NAA38: variants seen among roughly 807,000 people sequenced by gnomAD.
The protein encoded by NAA38 is N-alpha-acetyltransferase 38, NatC auxiliary subunit, also known as LSM domain containing 1.
A neutral mutation model predicts 12.6 loss-of-function variants in NAA38; 15 were observed. The ratio of observed to expected loss-of-function variants is 1.19; its 90% confidence interval spans 0.79 to 1.83. The LOEUF is 1.83. Ranked by LOEUF, NAA38 falls within the 40% of genes most tolerant of loss-of-function variation. The probability of loss-of-function intolerance (pLI) is 0.00; values close to 1 mark genes in which losing one functional copy is unlikely to be tolerated. For synonymous variants in NAA38, 88 were observed against 69.9 expected, an observed-to-expected ratio of 1.26 and a Z score of -1.29; for missense variants, 183 against 171.7, an observed-to-expected ratio of 1.07 and a Z score of -0.37.
chr17:7,859,013 C>A, upstream of NAA38: 1 of 577,972 alleles, frequency 1.7e-6, no homozygotes, highest in Non-Finnish European at 3.0e-6. Flanking sequence ...GTCTGGGTCA[C>A]AGGGGGACAA....
intron 2 of NAA38, among the ~76,000 whole-genome samples, chr17:7,874,405 T>C (rs974915710): frequency 1.3e-5 from 2 of 152,032 alleles, no homozygotes; most frequent in East Asian, 1.9e-4. Flanking sequence ...TTCATGTGGA[T>C]CCTAAGGTCA....
At chr17:7,877,427 C>A (rs1043417766) in intron 2 of NAA38, among the ~76,000 whole-genome samples, 1 of 149,178 alleles carries the variant, frequency 6.7e-6, no homozygotes, top group Non-Finnish European at 1.5e-5. Context: ...TTAACCATGT[C>A]TCTACATACA....
chr17:7,881,289 GAA>G (rs950908731), intron 2 of NAA38, among the ~76,000 whole-genome samples: 61 of 151,944 alleles, frequency 4.0e-4, no homozygotes, highest in Admixed American at 4.6e-4. Context: ...AGAAACAAAA[GAA>G]GAGAGAAAAG....
intron 2 of NAA38, among the ~76,000 whole-genome samples, chr17:7,881,326 G>A (rs1967268708): frequency 6.6e-6 from 1 of 152,106 alleles, no homozygotes; most frequent in African/African-American, 2.4e-5. Context: ...GACAGCAAGA[G>A]CCTGCCAAGC....
At chr17:7,870,624 G>A (rs1967069089) in intron 2 of NAA38, among the ~76,000 whole-genome samples, 1 of 152,086 alleles carries the variant, frequency 6.6e-6, no homozygotes, top group South Asian at 2.1e-4. Flanking sequence ...GCTCACGCCT[G>A]TAATCCCAGC....
intron 1 of NAA38, chr17:7,884,969 G>T: frequency 7.5e-7 from 1 of 1,324,852 alleles, no homozygotes. Context: ...ACTCGGGCGC[G>T]GGCCGGGCCA....
chr17:7,858,615 C>A, upstream of NAA38: 2 of 1,604,838 alleles, frequency 1.2e-6, no homozygotes, highest in Non-Finnish European at 1.7e-6. Context: ...GATCCGCAAG[C>A]ACATAGATCC....
At position 7,857,173 on chromosome 17, in the gene NAA38, G is replaced by A. The variant is rs775563570; in HGVS notation, c.107C>T (p.Ser36Leu). The A allele has an allele frequency of 2.2e-5, 35 of 1,613,104 alleles. No homozygotes were observed. The highest frequency in any genetic ancestry group is 2.7e-5 in the African/African-American group (2 of 75,048). Residue 36 changes from serine to leucine, a missense_variant, in exon 2 of 3, where the codon TCG (serine) becomes TTG (leucine). Ser to Leu is a moderately radical substitution (Grantham distance 145, BLOSUM62 -2). Coordinates refer to ENST00000575771, the MANE Select transcript of NAA38 (RefSeq NM_001320925.4). ...CTGCTGTCGGGCGCGCTCAGCCGCC[G>A]AGTCCTCGCGCTCTCCGTCCGAATC... ...AGDSDGEREDSAAERARQQLE... is the reference protein window; with the variant it reads ...AGDSDGEREDLAAERARQQLE...
upstream of NAA38, chr17:7,857,617 G>T (rs966884253): frequency 1.5e-5 from 21 of 1,363,692 alleles, no homozygotes; most frequent in East Asian, 8.3e-5. Context: ...GATCTCGCGA[G>T]CTTCTCCTAC....
chr17:7,869,148 ATTACAGCCAGTGCTTTATG>A (rs1206106533), intron 2 of NAA38, among the ~76,000 whole-genome samples: 6 of 152,350 alleles, frequency 3.9e-5, no homozygotes, highest in African/African-American at 1.4e-4. Context: ...CGAGTACCTT[ATTACAGCCAGTGCTTTATG>A]TAAGTTAGCT....
rs780941615 is a variant in NAA38 at position 7,857,157 on chromosome 17, G to C, written c.123C>G (p.Ala41=). 7 of 1,612,980 alleles carry C rather than the reference G, an allele frequency of 4.3e-6. No homozygotes were observed. In the East Asian group the frequency reaches 1.3e-4, roughly 31 times the overall value. Residue 41 remains alanine, a synonymous_variant, in exon 2 of 3, where the codon GCC becomes GCG. Coordinates refer to ENST00000575771, the MANE Select transcript of NAA38 (RefSeq NM_001320925.4). Reference sequence around the variant, plus strand: ...TGAGCAGCGCCTCTAGCTGCTGTCGGGCGCGCTCAGCCGCCGAGTCCTCGC... The same window carrying C: ...TGAGCAGCGCCTCTAGCTGCTGTCGCGCGCGCTCAGCCGCCGAGTCCTCGC... ...GEREDSAAER[A]RQQLEALLNK... is the part of the protein sequence containing the mutation.
exon 1 of NAA38, chr17:7,885,205 G>A (rs1475748213): frequency 3.2e-6 from 3 of 926,842 alleles, no homozygotes; most frequent in Non-Finnish European, 2.6e-6. Flanking sequence ...GCGAATCCGG[G>A]GCTCGGGCCC....
intron 1 of NAA38, chr17:7,885,028 G>A: frequency 9.5e-7 from 1 of 1,053,268 alleles, no homozygotes. Flanking sequence ...ACCTCTTCCC[G>A]CCGCCGCCGC....
At chr17:7,864,920 A>C (rs1327758066) in intron 3 of NAA38, 1 of 151,974 alleles carries the variant, frequency 6.6e-6, no homozygotes, top group Non-Finnish European at 1.5e-5. Context: ...AATTATGTGC[A>C]TGAAGCAAAG....
At chr17:7,878,027 G>A (rs1967205266) in intron 2 of NAA38, among the ~76,000 whole-genome samples, 1 of 151,768 alleles carries the variant, frequency 6.6e-6, no homozygotes, top group Admixed American at 6.6e-5. Flanking sequence ...TCTAAAATAT[G>A]TACCTATATT....
At chr17:7,884,893 C>T in intron 1 of NAA38, 1 of 1,280,718 alleles carries the variant, frequency 7.8e-7, no homozygotes, top group Non-Finnish European at 1.0e-6. Context: ...AAGAGGGCGA[C>T]GAGGAGGAGG....
At chr17:7,880,747 G>A (rs1309137852) in intron 2 of NAA38, among the ~76,000 whole-genome samples, 5 of 152,174 alleles carry the variant, frequency 3.3e-5, no homozygotes, top group Non-Finnish European at 5.9e-5. Flanking sequence ...GTGCTTTCAT[G>A]CCTTCTCCAA....
rs995040710 is a variant in NAA38 at position 7,880,012 on chromosome 17, G to A, written c.-66+3223C>T. On this transcript the variant is annotated intron_variant, in intron 2 of 4. Transcript: ENST00000576861. ...GGATGCAGACAGGCAAACAGAGAGA[G>A]AGAGAAAGAGAGAAGAAGGGAAGAC... is the stretch of plus-strand genomic sequence containing the variant. Among the ~76,000 whole-genome samples, 11 of 152,180 alleles carry A rather than the reference G, an allele frequency of 7.2e-5. No individual in the cohort carries two copies. The South Asian group carries it at 1.9e-3, about 26-fold the overall frequency.
chr17:7,857,071 G>A lies in NAA38; in HGVS notation c.209C>T (p.Thr70Ile). ...GRTLVGCFLC[T>I]DRDCNVILGS... ...CAGGATGACATTGCAGTCACGGTCA[G>A]TGCAGAGGAAGCAGCCGACCAGTGT... Residue 70 changes from threonine (T) to isoleucine (I), a missense_variant, in exon 2 of 3, where the codon ACT becomes ATT. Coordinates refer to ENST00000575771, the MANE Select transcript of NAA38 (RefSeq NM_001320925.4). The A allele has an allele frequency of 6.2e-7, 1 of 1,613,578 alleles. No individual in the cohort carries two copies. The highest frequency in any genetic ancestry group is 8.5e-7 in the Non-Finnish European group (1 of 1,180,030).
Sources: gnomAD v4.1 joint callset for allele counts (sites outside exome capture counted in the v4.1 genomes callset) on GRCh38, gnomAD v4.1.1 for gene constraint, MANE v1.5 for transcripts, NCBI Gene and HGNC (gene_info 2026-07-23, HGNC 2026-07-21) for gene names.